Variants in ROBO1 observed in about 807,000 individuals in gnomAD.
ROBO1 encodes roundabout guidance receptor 1, also known as roundabout homolog 1.
In ROBO1, 149 loss-of-function variants were observed where a neutral mutation model predicts 195.9. The ratio of observed to expected loss-of-function variants is 0.76; its 90% CI spans 0.67 to 0.87. ROBO1 has a LOEUF of 0.87. Ranked by LOEUF, ROBO1 falls within the 40% of genes least tolerant of loss-of-function variation. The pLI is 0.00. For missense variants in ROBO1, 1,933 were observed against 2,068.3 expected (o/e 0.93, Z 1.27); for synonymous variants, 816 against 733.2 (o/e 1.11, Z -1.82).
intron 5 of ROBO1, among the ~76,000 whole-genome samples, chr3:78,741,664 A>G (rs1310252110): frequency 6.6e-6 from 1 of 152,180 alleles, no homozygotes; most frequent in Non-Finnish European, 1.5e-5. Context: ...ATTTTCAAAG[A>G]CATCCAAAAG....
intron 2 of ROBO1, among the ~76,000 whole-genome samples, chr3:79,445,489 T>G (rs1472074770): frequency 2.7e-5 from 4 of 148,872 alleles, no homozygotes; most frequent in Non-Finnish European, 4.5e-5. Context: ...TTGTTTTTTT[T>G]TTTTTTTTTT....
chr3:78,782,092 T>C (rs1297680510), intron 4 of ROBO1, among the ~76,000 whole-genome samples: 2 of 152,200 alleles, frequency 1.3e-5, no homozygotes, highest in African/African-American at 4.8e-5. Context: ...AAACTAAATA[T>C]GAACCTGTCA....
chr3:79,668,498 A>C (rs933718953), intron 1 of ROBO1, among the ~76,000 whole-genome samples: 5 of 151,674 alleles, frequency 3.3e-5, no homozygotes, highest in Non-Finnish European at 5.9e-5. Flanking sequence ...CTAATTAATT[A>C]GAAGTTATTA....
chr3:78,677,840 G>C (rs1174583508), intron 10 of ROBO1, among the ~76,000 whole-genome samples: 1 of 152,036 alleles, frequency 6.6e-6, no homozygotes, highest in Non-Finnish European at 1.5e-5. Flanking sequence ...GACATCTACA[G>C]AACTCTCCAC....
chr3:79,048,406 C>T (rs2078634852), intron 3 of ROBO1, among the ~76,000 whole-genome samples: 1 of 152,144 alleles, frequency 6.6e-6, no homozygotes, highest in Admixed American at 6.6e-5. Context: ...ACCAGCTTTT[C>T]ATCTGGTAGC....
intron 3 of ROBO1, among the ~76,000 whole-genome samples, chr3:78,992,682 T>C (rs1304786293): frequency 2.0e-5 from 3 of 152,126 alleles, no homozygotes; most frequent in African/African-American, 7.2e-5. Context: ...ACAAATACCC[T>C]TGGAGTTGTG....
chr3:79,349,268 C>T (rs977188419), intron 2 of ROBO1, among the ~76,000 whole-genome samples: 12 of 152,174 alleles, frequency 7.9e-5, no homozygotes, highest in Admixed American at 6.5e-4. Flanking sequence ...CATTAAGACC[C>T]AGAGAGAATT....
chr3:79,623,284 T>G (rs1945066968), intron 1 of ROBO1, among the ~76,000 whole-genome samples: 1 of 152,088 alleles, frequency 6.6e-6, no homozygotes, highest in Admixed American at 6.6e-5. Context: ...CCAGAATGTC[T>G]CTTCTCCTCC....
At chr3:79,499,680 A>C (rs754420931) in intron 2 of ROBO1, among the ~76,000 whole-genome samples, 1 of 152,188 alleles carries the variant, frequency 6.6e-6, no homozygotes, top group Non-Finnish European at 1.5e-5. Flanking sequence ...GTGTTATGGT[A>C]ATGTGAGTTT....
At chr3:79,318,608 T>C (rs1431840770) in intron 2 of ROBO1, among the ~76,000 whole-genome samples, 4 of 152,178 alleles carry the variant, frequency 2.6e-5, no homozygotes, top group East Asian at 1.9e-4. Flanking sequence ...AATCCCACAA[T>C]AGTAGACAAC....
At chr3:79,558,561 G>T (rs1942796056) in intron 2 of ROBO1, among the ~76,000 whole-genome samples, 1 of 151,992 alleles carries the variant, frequency 6.6e-6, no homozygotes, top group Non-Finnish European at 1.5e-5. Flanking sequence ...GTAGGAGAGT[G>T]GTCAGCACTC....
intron 2 of ROBO1, among the ~76,000 whole-genome samples, chr3:79,188,068 A>G (rs1170538790): frequency 6.6e-6 from 1 of 151,988 alleles, no homozygotes; most frequent in Non-Finnish European, 1.5e-5. Context: ...CAGAATGCTC[A>G]CAGATTGCAG....
intron 2 of ROBO1, among the ~76,000 whole-genome samples, chr3:79,189,361 A>C (rs995879845): frequency 2.0e-5 from 3 of 151,776 alleles, no homozygotes; most frequent in African/African-American, 2.4e-5. Flanking sequence ...ATTTTCTTTG[A>C]ACTAAATAAA....
chr3:78,604,512 T>C (rs186143832), intron 29 of ROBO1, among the ~76,000 whole-genome samples: 3 of 152,350 alleles, frequency 2.0e-5, no homozygotes, highest in Admixed American at 2.0e-4. Context: ...CAGAGCCAGA[T>C]CAACTTTGGG....
intron 2 of ROBO1, among the ~76,000 whole-genome samples, chr3:79,511,047 A>G (rs932750822): frequency 2.0e-5 from 3 of 152,170 alleles, no homozygotes; most frequent in Admixed American, 6.6e-5. Flanking sequence ...TGCCCACTAT[A>G]TATCAGTGAC....
intron 4 of ROBO1, among the ~76,000 whole-genome samples, chr3:78,802,563 A>G (rs1018491368): frequency 6.6e-6 from 1 of 152,142 alleles, no homozygotes; most frequent in Non-Finnish European, 1.5e-5. Context: ...AAACAAAACA[A>G]AACAAAAACA....
At chr3:79,731,081 T>C (rs1222270035) in intron 1 of ROBO1, among the ~76,000 whole-genome samples, 11 of 152,174 alleles carry the variant, frequency 7.2e-5, no homozygotes, top group Admixed American at 6.5e-4. Context: ...GCAAACTTGC[T>C]AGAAGGGTGA....
intron 2 of ROBO1, among the ~76,000 whole-genome samples, chr3:79,351,753 A>T (rs1398118112): frequency 6.6e-6 from 1 of 151,886 alleles, no homozygotes; most frequent in African/African-American, 2.4e-5. Context: ...TATCCAGTGA[A>T]TTTTCTTATG....
intron 2 of ROBO1, among the ~76,000 whole-genome samples, chr3:79,538,756 C>T (rs1033902426): frequency 6.6e-6 from 1 of 152,064 alleles, no homozygotes. Context: ...ATTGTTATTC[C>T]TAGTGCTAAA....
Sources: gnomAD v4.1 joint callset for allele counts (sites outside exome capture counted in the v4.1 genomes callset) on GRCh38, gnomAD v4.1.1 for gene constraint, MANE v1.5 for transcripts, NCBI Gene and HGNC (gene_info 2026-07-23, HGNC 2026-07-21) for gene names.